Variants in TMPRSS7 observed in about 807,000 individuals in gnomAD.
TMPRSS7 encodes the protein transmembrane serine protease 7.
Under a neutral mutation model 95.6 loss-of-function variants are expected in TMPRSS7, and 81 were observed. That is an observed-to-expected ratio of 0.85 (90% CI 0.71 to 1.02). The LOEUF is 1.02. Among genes scored for constraint, TMPRSS7 ranks in the 50% least tolerant of loss-of-function variants. TMPRSS7 has a pLI of 0.00. For missense variants in TMPRSS7, 945 were observed against 955.2 expected (o/e 0.99, Z 0.14); for synonymous variants, 364 against 337.8 (o/e 1.08, Z -0.85).
chr3:112,057,611 T>C (rs1172619113), intron 10 of TMPRSS7, among the ~76,000 whole-genome samples: 1 of 152,224 alleles, frequency 6.6e-6, no homozygotes, highest in East Asian at 1.9e-4. Context: ...ACCAATGTAC[T>C]AGGTGCTCAC....
chr3:112,061,330 A>G (rs1286409810), intron 10 of TMPRSS7, among the ~76,000 whole-genome samples: 2 of 152,234 alleles, frequency 1.3e-5, no homozygotes, highest in Non-Finnish European at 2.9e-5. Context: ...TGTGCACGTC[A>G]GATTTCAATT....
At position 112,042,017 on chromosome 3, in the gene TMPRSS7, A is replaced by G. The variant is rs774076494; in HGVS notation, c.396A>G (p.Glu132=). The G allele has an allele frequency of 9.0e-6, 14 of 1,551,508 alleles. No homozygotes were observed. The South Asian group carries it at 1.7e-4, about 18-fold the overall frequency. ...AATACCGACAAAAGGAGTCCAGGGA[A>G]TTTCTTTCAGTGTCACGGACTGTGC... is the stretch of plus-strand genomic sequence containing the variant. The change falls in exon 3 of 18, where the codon GAA becomes GAG. Residue 132 remains glutamate (E), a synonymous_variant. Coordinates refer to ENST00000452346, the Ensembl canonical transcript of TMPRSS7.
At chr3:112,076,011 T>C (rs763371704) in intron 15 of TMPRSS7, among the ~76,000 whole-genome samples, 4 of 152,224 alleles carry the variant, frequency 2.6e-5, no homozygotes, top group Non-Finnish European at 5.9e-5. Context: ...TGGATATTTG[T>C]TTCCCTGAAA....
intron 6 of TMPRSS7, 116 bp from the exon 7 acceptor site, chr3:112,047,623 C>A: frequency 1.3e-6 from 1 of 762,186 alleles, no homozygotes. Flanking sequence ...CCTAGGCTGG[C>A]CATATGTCCT....
chr3:112,035,791 G>A (rs1050669587), intron 1 of TMPRSS7, among the ~76,000 whole-genome samples: 31 of 152,152 alleles, frequency 2.0e-4, no homozygotes, highest in African/African-American at 7.5e-4. Context: ...AATAAAAGAG[G>A]AGGAAGGGAA....
At chr3:112,050,859 A>G in intron 9 of TMPRSS7, 76 bp downstream of exon 9, 1 of 724,314 alleles carries the variant, frequency 1.4e-6, no homozygotes, top group East Asian at 2.8e-5. Context: ...TTCATTTTTT[A>G]ATTACAAAAG....
At chr3:112,077,012 C>T in exon 16 of TMPRSS7, 1 of 1,614,160 alleles carries the variant, frequency 6.2e-7, no homozygotes. Context: ...TATTGCTTTG[C>T]TACAGCTCAG....
At chr3:112,060,460 G>T (rs1018172399) in intron 10 of TMPRSS7, among the ~76,000 whole-genome samples, 11 of 152,114 alleles carry the variant, frequency 7.2e-5, no homozygotes, top group African/African-American at 2.2e-4. Context: ...ACCCAAGGGG[G>T]CCATTTTAGA....
chr3:112,037,961 TTAAA>T, intron 1 of TMPRSS7, 107 bp from the exon 2 acceptor site: 2 of 615,112 alleles, frequency 3.3e-6, no homozygotes, highest in South Asian at 3.9e-5. Flanking sequence ...ATATGAATGC[TTAAA>T]TAGTCATATT....
At chr3:112,066,737 G>A (rs535270877) in intron 13 of TMPRSS7, among the ~76,000 whole-genome samples, 2 of 151,590 alleles carry the variant, frequency 1.3e-5, no homozygotes, top group Admixed American at 1.3e-4. Context: ...GTGTGTGAGT[G>A]TGTGTGTGTG....
exon 7 of TMPRSS7, chr3:112,047,873 A>G: frequency 6.2e-7 from 1 of 1,613,958 alleles, no homozygotes; most frequent in Non-Finnish European, 8.5e-7. Context: ...TCGTCTCTCA[A>G]TCAAGTCCAT....
chr3:112,043,387 C>T (rs2073236882), intron 3 of TMPRSS7, among the ~76,000 whole-genome samples: 1 of 151,786 alleles, frequency 6.6e-6, no homozygotes, highest in Admixed American at 6.6e-5. Flanking sequence ...GACTGTATAC[C>T]AATTATTTCT....
chr3:112,046,502 G>T (rs1429194996), intron 5 of TMPRSS7, among the ~76,000 whole-genome samples: 1 of 152,030 alleles, frequency 6.6e-6, no homozygotes, highest in Non-Finnish European at 1.5e-5. Flanking sequence ...TTATAAATTT[G>T]TGTGTATTTA....
intron 4 of TMPRSS7, 129 bp downstream of exon 4, chr3:112,044,451 T>C: frequency 1.3e-6 from 1 of 742,252 alleles, no homozygotes; most frequent in Non-Finnish European, 2.3e-6. Context: ...CATACTGTAT[T>C]AGCACAACTA....
intron 7 of TMPRSS7, 101 bp from the exon 8 acceptor site, chr3:112,049,743 T>C: frequency 1.0e-6 from 1 of 1,004,306 alleles, no homozygotes; most frequent in Non-Finnish European, 1.4e-6. Flanking sequence ...GTGGATGGAT[T>C]GAATGGATGG....
At chr3:112,074,573 G>A (rs2073690546) in intron 14 of TMPRSS7, among the ~76,000 whole-genome samples, 161 bp downstream of exon 14, 1 of 152,182 alleles carries the variant, frequency 6.6e-6, no homozygotes, top group South Asian at 2.1e-4. Flanking sequence ...TTGTTTCTCA[G>A]AAATAAAAAC....
intron 10 of TMPRSS7, among the ~76,000 whole-genome samples, chr3:112,061,504 T>G (rs2073505095): frequency 6.6e-6 from 1 of 152,212 alleles, no homozygotes; most frequent in African/African-American, 2.4e-5. Context: ...GAGAGAAAAC[T>G]GGGAGAATTA....
intron 1 of TMPRSS7, 61 bp downstream of exon 1, chr3:112,034,954 T>A (rs1016884913): frequency 4.3e-6 from 3 of 700,812 alleles, no homozygotes; most frequent in African/African-American, 3.5e-5. Context: ...ACCCTGTTAG[T>A]AAAATGAGAT....
At chr3:112,043,079 C>A (rs746266049) in intron 3 of TMPRSS7, 60 of 455,922 alleles carry the variant, frequency 1.3e-4, no homozygotes, top group Non-Finnish European at 2.5e-4. Flanking sequence ...GTCACTAAAC[C>A]CTTTGCCTCT....
Sources: gnomAD v4.1 joint callset for allele counts (sites outside exome capture counted in the v4.1 genomes callset) on GRCh38, gnomAD v4.1.1 for gene constraint, MANE v1.5 for transcripts, NCBI Gene and HGNC (gene_info 2026-07-23, HGNC 2026-07-21) for gene names.